The following NSMCE2 variants were observed in gnomAD, a reference collection of about 807,000 sequenced individuals.
NSMCE2 encodes the protein NSE2 SUMO ligase component of SMC5/6 complex, also known as E3 SUMO-protein ligase NSE2.
Under a neutral mutation model 23.8 loss-of-function variants are expected in NSMCE2, and 24 were observed. That is an observed-to-expected ratio of 1.01 (90% CI 0.73 to 1.42). NSMCE2 has a LOEUF of 1.42. Among genes scored for constraint, NSMCE2 ranks in the 40% most tolerant of loss-of-function variants. The pLI, the probability that NSMCE2 is intolerant of heterozygous loss-of-function variation, is 0.00. For synonymous variants in NSMCE2, 92 were observed against 94.1 expected, an observed-to-expected ratio of 0.98 and a Z score of 0.13; for missense variants, 284 against 296.5, an observed-to-expected ratio of 0.96 and a Z score of 0.31.
chr8:125,174,479 G>A (rs1467929619), intron 4 of NSMCE2, among the ~76,000 whole-genome samples: 3 of 152,114 alleles, frequency 2.0e-5, no homozygotes, highest in African/African-American at 7.2e-5. Flanking sequence ...GTTGGTCATC[G>A]TATTATAGTG....
Position 125,182,283 on chromosome 8 carries a change from C to T in NSMCE2, c.418+27C>T, listed in dbSNP as rs146237502. On this transcript the variant is annotated intron_variant, in intron 5 of 7. Transcript: ENST00000287437. ...TAAGTCAACATGCTTTGCTTTGGTT[C>T]GGCTTTTTGAAATTAGGGAACTGAC... 7.2e-3 allele frequency: 11,294 copies of T among 1,578,362 alleles called. 64 individuals carry two copies. Among genetic ancestry groups the T allele is most frequent in the Middle Eastern group, 0.017 (99 of 5,962 alleles).
chr8:125,119,371 CT>C (rs1277808996), intron 3 of NSMCE2, among the ~76,000 whole-genome samples: 1 of 152,182 alleles, frequency 6.6e-6, no homozygotes, highest in Non-Finnish European at 1.5e-5. Context: ...AAATGAGTCA[CT>C]TTTTAGTTTT....
At chr8:125,326,439 A>G (rs967429574) in intron 5 of NSMCE2, among the ~76,000 whole-genome samples, 9 of 152,032 alleles carry the variant, frequency 5.9e-5, no homozygotes, top group African/African-American at 2.2e-4. Flanking sequence ...GTGTGTGTCT[A>G]TTTACATATA....
rs189169890 is a variant in NSMCE2, at chr8:125,353,880, T to C, written c.419-3339T>C. ...CCTGGGCGACAAGGGCAAGACTCCGTCTCAAAAACTAAAAAATAAAAAATA... is the reference window on the plus strand; with the variant it reads ...CCTGGGCGACAAGGGCAAGACTCCGCCTCAAAAACTAAAAAATAAAAAATA... On this transcript the variant is annotated intron_variant, in intron 5 of 7. Coordinates refer to ENST00000287437, the MANE Select transcript of NSMCE2 (RefSeq NM_173685.4). 6.5e-3 allele frequency among the ~76,000 whole-genome samples: 932 copies of C among 142,742 alleles called. 4 individuals carry two copies. Among genetic ancestry groups the C allele is most frequent in the Non-Finnish European group, 9.5e-3 (614 of 64,774 alleles). 93.6% of individuals were successfully genotyped at this position (142,742 alleles called of 152,430 possible).
chr8:125,145,146 A>G (rs1414589813), intron 3 of NSMCE2, among the ~76,000 whole-genome samples: 28 of 152,196 alleles, frequency 1.8e-4, no homozygotes, highest in Non-Finnish European at 1.5e-5. Context: ...CAGTAGGAAA[A>G]AGCAAAATGA....
At chr8:125,273,760 C>T (rs1311935376) in intron 5 of NSMCE2, among the ~76,000 whole-genome samples, 1 of 152,194 alleles carries the variant, frequency 6.6e-6, no homozygotes, top group Non-Finnish European at 1.5e-5. Flanking sequence ...AATTATGGCC[C>T]TGTTCCTCAC....
rs1032387701 is a variant in NSMCE2, at chr8:125,275,834, G to A, written c.419-81385G>A. Among the ~76,000 whole-genome samples the A allele has an allele frequency of 2.6e-5, 4 of 152,074 alleles. No individual in the cohort carries two copies. In the East Asian group the frequency reaches 7.7e-4, roughly 29 times the overall value. The stretch of plus-strand genomic sequence containing the variant: ...TAAGTGACATAATGAGCTAGTAATT[G>A]TAAGAGCTGGAATTCAAACCCAGAA... On this transcript the variant is annotated intron_variant, in intron 5 of 7. Coordinates refer to ENST00000287437, the MANE Select transcript of NSMCE2 (RefSeq NM_173685.4).
chr8:125,111,663 G>A (rs541377673), intron 3 of NSMCE2, among the ~76,000 whole-genome samples: 2 of 152,160 alleles, frequency 1.3e-5, no homozygotes, highest in Non-Finnish European at 2.9e-5. Flanking sequence ...AGCTGGGTGT[G>A]GTGGTGTGTG....
At chr8:125,111,331 T>A (rs1366575590) in intron 3 of NSMCE2, among the ~76,000 whole-genome samples, 1 of 152,036 alleles carries the variant, frequency 6.6e-6, no homozygotes, top group Non-Finnish European at 1.5e-5. Context: ...TAAATCCGGG[T>A]GCTTTGGGGG....
At chr8:125,348,638 C>CTCA (rs1812885599) in intron 5 of NSMCE2, 1 of 152,162 alleles carries the variant, frequency 6.6e-6, no homozygotes, top group African/African-American at 2.4e-5. Flanking sequence ...GTGAATAAGT[C>CTCA]TCATGAGATC....
intron 4 of NSMCE2, among the ~76,000 whole-genome samples, chr8:125,156,427 T>C (rs1364896019): frequency 6.6e-6 from 1 of 152,224 alleles, no homozygotes; most frequent in African/African-American, 2.4e-5. Flanking sequence ...TTGTATAAGA[T>C]TTTAAAGCAT....
intron 3 of NSMCE2, among the ~76,000 whole-genome samples, chr8:125,120,171 T>C (rs1014378212): frequency 6.6e-6 from 1 of 152,220 alleles, no homozygotes; most frequent in Non-Finnish European, 1.5e-5. Flanking sequence ...TTCATATATT[T>C]AGTAGCCACA....
chr8:125,125,972 A>G (rs936644284), intron 3 of NSMCE2, among the ~76,000 whole-genome samples: 5 of 152,126 alleles, frequency 3.3e-5, no homozygotes, highest in African/African-American at 1.2e-4. Flanking sequence ...AACTTCCCTG[A>G]CCTTTGCCAT....
intron 5 of NSMCE2, among the ~76,000 whole-genome samples, chr8:125,200,543 G>T (rs1452398692): frequency 9.2e-5 from 14 of 152,132 alleles, no homozygotes; most frequent in Admixed American, 9.2e-4. Flanking sequence ...TGAGAGATCC[G>T]CTGTTAGTCT....
chr8:125,358,623 C>T (rs909451540), intron 7 of NSMCE2, among the ~76,000 whole-genome samples: 12 of 152,040 alleles, frequency 7.9e-5, no homozygotes, highest in Admixed American at 1.3e-4. Context: ...GCATTGACTT[C>T]GTTTGGCATT....
rs1187416056 is a variant in NSMCE2 at position 125,321,167 on chromosome 8, A to T, written c.419-36052A>T. ...AGATTTGGGCAAGGACATAGATCCA[A>T]ACCATATCAGATACCAAGTGGAAAC... On this transcript the variant is annotated intron_variant, in intron 5 of 7. Transcript: ENST00000287437. Among the ~76,000 whole-genome samples, 5 of 152,226 alleles carry T rather than the reference A, an allele frequency of 3.3e-5. No individual in the cohort carries two copies. The East Asian group carries it at 9.6e-4, about 29-fold the overall frequency.
intron 5 of NSMCE2, among the ~76,000 whole-genome samples, chr8:125,264,511 A>T (rs1392354887): frequency 6.6e-6 from 1 of 152,154 alleles, no homozygotes; most frequent in Non-Finnish European, 1.5e-5. Context: ...GGTTGAAACA[A>T]TTCTCATTCC....
intron 5 of NSMCE2, among the ~76,000 whole-genome samples, chr8:125,189,798 G>A (rs1283924172): frequency 6.6e-6 from 1 of 152,172 alleles, no homozygotes; most frequent in Non-Finnish European, 1.5e-5. Context: ...ATAATTTTGT[G>A]TATATAACCC....
At chr8:125,245,525 A>G (rs1422613294) in intron 5 of NSMCE2, among the ~76,000 whole-genome samples, 1 of 152,190 alleles carries the variant, frequency 6.6e-6, no homozygotes, top group African/African-American at 2.4e-5. Context: ...GGGTTTATCA[A>G]AATTAGAGGA....
Sources: allele counts gnomAD v4.1 joint callset (sites outside exome capture counted in the v4.1 genomes callset), GRCh38; gene constraint gnomAD v4.1.1; transcripts MANE v1.5; gene names NCBI Gene and HGNC (gene_info 2026-07-23, HGNC 2026-07-21).